The following DLGAP2 variants were observed in gnomAD, a reference collection of about 807,000 sequenced individuals.
The protein encoded by DLGAP2 is DLG associated protein 2.
DLGAP2 carries 26 observed loss-of-function variants against 100.3 expected under a neutral mutation model. The ratio of observed to expected loss-of-function variants is 0.26; its 90% CI spans 0.19 to 0.36. DLGAP2 has a LOEUF of 0.36. Among genes scored for constraint, DLGAP2 ranks in the 10% least tolerant of loss-of-function variants. The pLI is 1.00. For synonymous variants in DLGAP2, 886 were observed against 630.1 expected (o/e 1.41, Z -6.08); for missense variants, 1,858 against 1,453.2 (o/e 1.28, Z -4.53).
At position 1,128,970 on chromosome 8, in the gene DLGAP2, C is replaced by T. The variant is rs186086285; in HGVS notation, c.74-129881C>T. Among the ~76,000 whole-genome samples, 9 of 152,304 alleles carry T rather than the reference C, an allele frequency of 5.9e-5. No homozygotes were observed. In the East Asian group the frequency reaches 1.7e-3, roughly 29 times the overall value. On this transcript the variant is annotated intron_variant, in intron 2 of 14. Transcript: ENST00000637795. ...GTGTCTCAGGACACTGGCAAGCTGACGCTCCCCACAGGAACTTACAATTCT... is the reference window on the plus strand; with the variant it reads ...GTGTCTCAGGACACTGGCAAGCTGATGCTCCCCACAGGAACTTACAATTCT...
intron 12 of DLGAP2, among the ~76,000 whole-genome samples, chr8:1,691,075 A>G (rs1229727918): frequency 1.3e-5 from 2 of 152,236 alleles, no homozygotes; most frequent in Non-Finnish European, 2.9e-5. Flanking sequence ...GAATCCAATG[A>G]GAGAACCCAT....
chr8:806,022 G>A (rs1253835505), intron 1 of DLGAP2, among the ~76,000 whole-genome samples: 2 of 152,218 alleles, frequency 1.3e-5, no homozygotes, highest in Non-Finnish European at 2.9e-5. Context: ...ATAGAATGAT[G>A]CATTTTGCCA....
chr8:762,613 AC>A (rs1821114614), intron 1 of DLGAP2, among the ~76,000 whole-genome samples: 1 of 152,100 alleles, frequency 6.6e-6, no homozygotes, highest in Non-Finnish European at 1.5e-5. Flanking sequence ...CACGGCAGCC[AC>A]CCAGTGAGTA....
At chr8:1,505,687 G>A (rs73672750) in intron 4 of DLGAP2, among the ~76,000 whole-genome samples, 2,674 of 152,304 alleles carry the variant, frequency 0.018, 82 homozygotes, top group African/African-American at 0.06. Flanking sequence ...TACCTTGAAA[G>A]AGAAAAACCT....
At chr8:1,613,462 C>A (rs1408144052) in intron 6 of DLGAP2, among the ~76,000 whole-genome samples, 1 of 151,402 alleles carries the variant, frequency 6.6e-6, no homozygotes, top group Non-Finnish European at 1.5e-5. Context: ...TTAGTGGGTG[C>A]AGCGCACCAG....
chr8:822,430 C>G (rs1179709057), intron 1 of DLGAP2, among the ~76,000 whole-genome samples: 4 of 152,174 alleles, frequency 2.6e-5, no homozygotes, highest in Non-Finnish European at 5.9e-5. Flanking sequence ...ACAGCTTCAG[C>G]TGGATGTTTC....
intron 3 of DLGAP2, among the ~76,000 whole-genome samples, chr8:1,372,183 C>T (rs888905568): frequency 1.1e-4 from 17 of 151,904 alleles, no homozygotes; most frequent in African/African-American, 9.7e-5. Flanking sequence ...GTGGCGCCAA[C>T]GCTGGGGCGC....
chr8:842,227 A>G (rs527435131), intron 1 of DLGAP2, among the ~76,000 whole-genome samples: 4 of 152,268 alleles, frequency 2.6e-5, no homozygotes, highest in African/African-American at 7.2e-5. Flanking sequence ...GTTGTCTAGA[A>G]CTTTCTTCAA....
chr8:1,460,787 A>G (rs1171110332), intron 3 of DLGAP2, among the ~76,000 whole-genome samples: 1 of 152,202 alleles, frequency 6.6e-6, no homozygotes, highest in African/African-American at 2.4e-5. Context: ...TACTAATCAG[A>G]GAAGATACTT....
intron 8 of DLGAP2, among the ~76,000 whole-genome samples, chr8:1,650,149 ATTACT>A (rs1177476674): frequency 6.6e-6 from 1 of 152,238 alleles, no homozygotes; most frequent in Non-Finnish European, 1.5e-5. Context: ...ACAGCAGGTC[ATTACT>A]TTATAACCAT....
At chr8:1,309,362 C>G (rs978196212) in intron 3 of DLGAP2, among the ~76,000 whole-genome samples, 23 of 152,180 alleles carry the variant, frequency 1.5e-4, no homozygotes, top group African/African-American at 5.5e-4. Flanking sequence ...AGAGAAGTGA[C>G]TCATCACACA....
At chr8:1,287,875 G>T (rs1478332337) in intron 3 of DLGAP2, among the ~76,000 whole-genome samples, 2 of 133,540 alleles carry the variant, frequency 1.5e-5, no homozygotes, top group East Asian at 2.5e-4. Flanking sequence ...AACTTGTTTT[G>T]GTTCAGCATG....
intron 1 of DLGAP2, among the ~76,000 whole-genome samples, chr8:778,263 G>A (rs908381388): frequency 2.0e-5 from 3 of 152,020 alleles, no homozygotes; most frequent in Non-Finnish European, 4.4e-5. Context: ...TTTTTTCAAA[G>A]TTTTCAACTT....
intron 2 of DLGAP2, among the ~76,000 whole-genome samples, chr8:1,141,374 G>A (rs1201556718): frequency 6.6e-6 from 1 of 152,172 alleles, no homozygotes; most frequent in Non-Finnish European, 1.5e-5. Flanking sequence ...TTTATTTTAT[G>A]CTTGATAAAG....
At chr8:1,116,646 CAGTT>C (rs762811190) in intron 2 of DLGAP2, among the ~76,000 whole-genome samples, 132 of 152,112 alleles carry the variant, frequency 8.7e-4, no homozygotes, top group Non-Finnish European at 1.4e-3. Context: ...AAAATAAAAA[CAGTT>C]AGCCACACGT....
chr8:1,357,259 C>T (rs1036680110), intron 3 of DLGAP2, among the ~76,000 whole-genome samples: 42 of 152,030 alleles, frequency 2.8e-4, no homozygotes, highest in Non-Finnish European at 3.8e-4. Flanking sequence ...TGCCGGTCCT[C>T]GGAGAAGGGG....
intron 1 of DLGAP2, among the ~76,000 whole-genome samples, chr8:847,421 T>C (rs377068302): frequency 6.6e-6 from 1 of 152,316 alleles, no homozygotes; most frequent in East Asian, 1.9e-4. Flanking sequence ...TTTTACACTT[T>C]TTTTCCCTTC....
intron 6 of DLGAP2, among the ~76,000 whole-genome samples, chr8:1,569,734 C>T (rs1348617356): frequency 6.6e-6 from 1 of 152,210 alleles, no homozygotes; most frequent in African/African-American, 2.4e-5. Flanking sequence ...CACAAGCCAC[C>T]AAGGCTCTCA....
chr8:1,132,666 C>G (rs1366435859), intron 2 of DLGAP2, among the ~76,000 whole-genome samples: 1 of 152,178 alleles, frequency 6.6e-6, no homozygotes, highest in Admixed American at 6.5e-5. Context: ...GAGCACTGGG[C>G]AAGGAGACCA....
Sources: gnomAD v4.1 joint callset for allele counts (sites outside exome capture counted in the v4.1 genomes callset) on GRCh38, gnomAD v4.1.1 for gene constraint, MANE v1.5 for transcripts, NCBI Gene and HGNC (gene_info 2026-07-23, HGNC 2026-07-21) for gene names.